Variants in CRB1 observed in about 807,000 individuals in gnomAD.
CRB1 encodes the protein crumbs cell polarity complex component 1, also known as protein crumbs homolog 1.
In CRB1, 83 loss-of-function variants were observed where a neutral mutation model predicts 120.0. That is an observed-to-expected ratio of 0.69 (90% CI 0.58 to 0.83). CRB1 has a LOEUF of 0.83. CRB1 is among the 40% of genes least tolerant of loss of function. The pLI is 0.00. For missense variants in CRB1, 1,699 were observed against 1,687.6 expected, an observed-to-expected ratio of 1.01 and a Z score of -0.12; for synonymous variants, 625 against 612.5, an observed-to-expected ratio of 1.02 and a Z score of -0.30.
At chr1:197,356,241 G>C (rs1660473025) in intron 4 of CRB1, among the ~76,000 whole-genome samples, 1 of 152,110 alleles carries the variant, frequency 6.6e-6, no homozygotes, top group Non-Finnish European at 1.5e-5. Context: ...TAAAAGCAAA[G>C]AAAAAGTTCA....
intron 5 of CRB1, among the ~76,000 whole-genome samples, chr1:197,414,364 A>G (rs1663864126): frequency 6.6e-6 from 1 of 152,148 alleles, no homozygotes; most frequent in Non-Finnish European, 1.5e-5. Flanking sequence ...AATTATGACA[A>G]AAATCATCTT....
chr1:197,209,608 A>G, the CRB1 span, among the ~76,000 whole-genome samples: 1 of 152,048 alleles, frequency 6.6e-6, no homozygotes, highest in Admixed American at 6.5e-5. Context: ...TCAGCCTCCC[A>G]AAGTGCTGGG....
intron 1 of CRB1, among the ~76,000 whole-genome samples, chr1:197,278,501 A>G (rs1655346380): frequency 6.6e-6 from 1 of 151,962 alleles, no homozygotes; most frequent in African/African-American, 2.4e-5. Flanking sequence ...CTTTTAGAGA[A>G]CACTGTTTTA....
At chr1:197,306,870 A>G (rs1354422794) in intron 1 of CRB1, among the ~76,000 whole-genome samples, 3 of 152,200 alleles carry the variant, frequency 2.0e-5, no homozygotes, top group Non-Finnish European at 2.9e-5. Flanking sequence ...ATTAGCTATT[A>G]CAACTCAATA....
chr1:197,221,474 GAT>G, the CRB1 span, among the ~76,000 whole-genome samples: 5 of 152,188 alleles, frequency 3.3e-5, no homozygotes, highest in Non-Finnish European at 7.3e-5. Context: ...AAAATGGAGA[GAT>G]GTGCTCAGTG....
chr1:197,422,935 T>C (rs1664408494), intron 6 of CRB1: 1 of 152,194 alleles, frequency 6.6e-6, no homozygotes, highest in Non-Finnish European at 1.5e-5. Flanking sequence ...TATTAGAAAC[T>C]ACTCAAGGGT....
At chr1:197,252,582 A>ATATATATATATATATATG in the CRB1 span, among the ~76,000 whole-genome samples, 1 of 15,512 alleles carries the variant, frequency 6.4e-5, no homozygotes, top group Non-Finnish European at 1.4e-4. Flanking sequence ...ATATATATAT[A>ATATATATATATATATATG]TGTGTGTGTG....
the CRB1 span, among the ~76,000 whole-genome samples, chr1:197,252,582 A>ATATGTGTGTG: frequency 4.2e-3 from 65 of 15,454 alleles, 2 homozygotes; most frequent in Admixed American, 5.8e-3. Flanking sequence ...ATATATATAT[A>ATATGTGTGTG]TGTGTGTGTG....
chr1:197,245,156 A>G, the CRB1 span, among the ~76,000 whole-genome samples: 2 of 151,850 alleles, frequency 1.3e-5, no homozygotes, highest in Non-Finnish European at 1.5e-5. Flanking sequence ...GGTGTGCTGC[A>G]CCCATTAACT....
At chr1:197,386,017 G>T (rs1662198567) in intron 5 of CRB1, among the ~76,000 whole-genome samples, 2 of 151,966 alleles carry the variant, frequency 1.3e-5, no homozygotes, top group Non-Finnish European at 2.9e-5. Flanking sequence ...AAAGCAATTT[G>T]TACAGGAATA....
the CRB1 span, among the ~76,000 whole-genome samples, chr1:197,251,895 T>C: frequency 3.3e-5 from 5 of 152,046 alleles, no homozygotes; most frequent in Admixed American, 1.3e-4. Context: ...TATTCTCTTG[T>C]AGTTATATTT....
chr1:197,235,070 T>C, the CRB1 span, among the ~76,000 whole-genome samples: 1 of 152,182 alleles, frequency 6.6e-6, no homozygotes, highest in Non-Finnish European at 1.5e-5. Flanking sequence ...GGAGATAGTA[T>C]GCATTTTAAA....
At chr1:197,211,139 A>G in the CRB1 span, among the ~76,000 whole-genome samples, 1 of 152,320 alleles carries the variant, frequency 6.6e-6, no homozygotes, top group South Asian at 2.1e-4. Flanking sequence ...CTTTTTTATA[A>G]GAAGCAAATA....
the CRB1 span, among the ~76,000 whole-genome samples, chr1:197,214,128 GA>G: frequency 6.7e-5 from 10 of 149,192 alleles, no homozygotes; most frequent in South Asian, 8.5e-4. Flanking sequence ...TTGCGAAGGA[GA>G]AAAAAAAAGC....
At chr1:197,357,113 TAA>T in intron 5 of CRB1, 100 bp downstream of exon 5, 1 of 1,208,786 alleles carries the variant, frequency 8.3e-7, no homozygotes, top group Non-Finnish European at 1.2e-6. Context: ...CTGTACTGTG[TAA>T]ACTCTGCTGC....
the CRB1 span, among the ~76,000 whole-genome samples, chr1:197,262,069 C>G: frequency 6.6e-6 from 1 of 152,178 alleles, no homozygotes; most frequent in African/African-American, 2.4e-5. Context: ...GAGTTTAATT[C>G]AACAAGGGTG....
rs762045465 is a variant in CRB1, at chr1:197,427,639, C to A, written c.2314C>A (p.Leu772Ile). Residue 772 changes from leucine to isoleucine, a missense_variant, in exon 7 of 12, where the codon CTA becomes ATA. Physicochemically the swap from Leu to Ile is conservative, Grantham distance 5. Transcript: ENST00000367400. Reference protein sequence around the residue: ...YIRVWLERGRLAMLTPNSPKL... With the variant: ...YIRVWLERGRIAMLTPNSPKL... Reference sequence around the variant, plus strand: ...CCGTGTCTGGCTAGAGCGCGGCAGACTAGCAATGCTGACTCCAAACTCTCC... The same window carrying A: ...CCGTGTCTGGCTAGAGCGCGGCAGAATAGCAATGCTGACTCCAAACTCTCC... 6.2e-6 allele frequency: 10 copies of A among 1,613,846 alleles called. No homozygotes were observed. Among genetic ancestry groups the A allele is most frequent in the Non-Finnish European group, 7.6e-6 (9 of 1,179,978 alleles).
At chr1:197,328,128 T>C (rs1477657656) in intron 1 of CRB1, among the ~76,000 whole-genome samples, 1 of 152,222 alleles carries the variant, frequency 6.6e-6, no homozygotes, top group African/African-American at 2.4e-5. Flanking sequence ...TATGGTACTT[T>C]CTCTGGGAAC....
the CRB1 span, among the ~76,000 whole-genome samples, chr1:197,243,790 A>G: frequency 6.6e-6 from 1 of 152,088 alleles, no homozygotes; most frequent in East Asian, 1.9e-4. Flanking sequence ...GTCTCCCACT[A>G]TTATTGTGTG....
Sources: gnomAD v4.1 joint callset for allele counts (sites outside exome capture counted in the v4.1 genomes callset) on GRCh38, gnomAD v4.1.1 for gene constraint, MANE v1.5 for transcripts, NCBI Gene and HGNC (gene_info 2026-07-23, HGNC 2026-07-21) for gene names.